The following ZNF611 variants were observed in gnomAD, a reference collection of about 807,000 sequenced individuals.
ZNF611 encodes zinc finger protein 611.
Under a neutral mutation model 8.9 loss-of-function variants are expected in ZNF611, and 6 were observed. The ratio of observed to expected loss-of-function variants is 0.68; its 90% CI spans 0.37 to 1.34. The LOEUF (loss-of-function observed/expected upper bound fraction) is 1.34. ZNF611 is among the 40% of genes most tolerant of loss of function. The pLI, the probability that ZNF611 is intolerant of heterozygous loss-of-function variation, is 0.02. For missense variants in ZNF611, 874 were observed against 841.3 expected, an observed-to-expected ratio of 1.04 and a Z score of -0.48; for synonymous variants, 262 against 279.7, an observed-to-expected ratio of 0.94 and a Z score of 0.63.
rs139235209 is a variant in ZNF611, at chr19:52,705,831, C to A, written c.1224G>T (p.Thr408=). Residue 408 remains threonine (T), a synonymous_variant, in exon 6 of 6, where the codon ACG becomes ACT. Coordinates refer to ENST00000652185, the MANE Select transcript of ZNF611 (RefSeq NM_001161499.2). ...YRCKVCDTAF[T]WHSQLARHRR... ...TATGTCGAGCCAGCTGTGAATGCCA[C>A]GTGAAAGCTGTGTCACAAACCTTAC... is the stretch of plus-strand genomic sequence containing the variant. 2 of 1,613,758 alleles carry A rather than the reference C, an allele frequency of 1.2e-6. No individual in the cohort carries two copies. Among genetic ancestry groups the A allele is most frequent in the Admixed American group, 3.3e-5 (2 of 59,982 alleles).
intron 3 of ZNF611, among the ~76,000 whole-genome samples, chr19:52,727,145 C>A (rs1402435143): frequency 2.0e-5 from 3 of 152,116 alleles, no homozygotes; most frequent in African/African-American, 7.2e-5. Flanking sequence ...GGATTACACT[C>A]GTGAGTCACT....
chr19:52,732,955 A>C (rs1452058399), intron 1 of ZNF611, among the ~76,000 whole-genome samples: 1 of 113,360 alleles, frequency 8.8e-6, no homozygotes, highest in Non-Finnish European at 1.9e-5. Flanking sequence ...CCCTGTCTCA[A>C]AATATTAATT....
rs2062213760 is a variant in ZNF611, at chr19:52,702,851, C to T, written c.*2086G>A. On this transcript the variant is annotated 3_prime_UTR_variant, in exon 6 of 6. Coordinates refer to ENST00000652185, the MANE Select transcript of ZNF611 (RefSeq NM_001161499.2). Reference sequence around the variant, plus strand: ...TGATGTTTAGTTAAAAGGCCACTGACATATTTACCAAGTACACACTGAAAC... The same window carrying T: ...TGATGTTTAGTTAAAAGGCCACTGATATATTTACCAAGTACACACTGAAAC... 1 of 152,168 alleles carries T rather than the reference C, an allele frequency of 6.6e-6. No homozygotes were observed. The highest frequency in any genetic ancestry group is 2.4e-5 in the African/African-American group (1 of 41,438). 9.4% of individuals were successfully genotyped at this position (152,168 alleles called of 1,614,324 possible).
Position 52,710,601 on chromosome 19 carries a change from G to A in ZNF611, c.190+3414C>T, listed in dbSNP as rs139975969. Among the ~76,000 whole-genome samples the A allele has an allele frequency of 5.5e-4, 84 of 152,180 alleles. No homozygotes were observed. The East Asian group carries it at 5.6e-3, about 10-fold the overall frequency. On this transcript the variant is annotated intron_variant, in intron 5 of 5. Coordinates refer to ENST00000652185, the MANE Select transcript of ZNF611 (RefSeq NM_001161499.2). The stretch of plus-strand genomic sequence containing the variant: ...ACTGGTCTCAAACTCCTGACCTCAA[G>A]CCATCTACCCACCTCAGCCTTTCAA...
Position 52,730,391 on chromosome 19 carries a change from C to CAAAA in ZNF611, c.-221-390_-221-387dup, listed in dbSNP as rs1159350274. Among the ~76,000 whole-genome samples the CAAAA allele has an allele frequency of 1.8e-3, 136 of 73,558 alleles. 8 individuals carry two copies. The highest frequency in any genetic ancestry group is 2.6e-3 in the Non-Finnish European group (104 of 40,288). The allele number at this position is 73,558 out of a possible 152,430, so 48.3% of individuals were successfully genotyped here. A position where few individuals can be genotyped will look rare whatever the true frequency, so the allele number is the denominator to read the frequency against. The stretch of plus-strand genomic sequence containing the variant: ...TGGGCGACAGAGCCAGACTCCGTCT[C>CAAAA]AAAAAAAAAAAAAAAAAAAAAAAAA... On this transcript the variant is annotated intron_variant, in intron 1 of 5. Coordinates refer to ENST00000652185, the MANE Select transcript of ZNF611 (RefSeq NM_001161499.2).
chr19:52,714,470 T>C (rs2062301516), intron 4 of ZNF611, among the ~76,000 whole-genome samples: 1 of 151,342 alleles, frequency 6.6e-6, no homozygotes, highest in African/African-American at 2.4e-5. Flanking sequence ...GGCAGATTAT[T>C]TGCGGTCAAG....
At chr19:52,723,384 G>A (rs2062372688) in intron 3 of ZNF611, 1 of 149,868 alleles carries the variant, frequency 6.7e-6, no homozygotes, top group African/African-American at 2.5e-5. Flanking sequence ...AGACTTCCTA[G>A]TAGCTGGCAT....
Position 52,704,258 on chromosome 19 carries a change from C to T in ZNF611, c.*679G>A, listed in dbSNP as rs1819364272. 4.2e-6 allele frequency: 2 copies of T among 481,826 alleles called. No individual in the cohort carries two copies. Among genetic ancestry groups the T allele is most frequent in the African/African-American group, 2.0e-5 (1 of 50,236 alleles). The allele number at this position is 481,826 out of a possible 1,614,324, so 29.8% of individuals were successfully genotyped here. A position where few individuals can be genotyped will look rare whatever the true frequency, so the allele number is the denominator to read the frequency against. ...TTAATGCTTGATGGTTTGCTATACTCATTTCATTGGGAACGGTTATCTCAA... is the reference window on the plus strand; with the variant it reads ...TTAATGCTTGATGGTTTGCTATACTTATTTCATTGGGAACGGTTATCTCAA... On this transcript the variant is annotated 3_prime_UTR_variant, in exon 6 of 6. Coordinates refer to ENST00000652185, the MANE Select transcript of ZNF611 (RefSeq NM_001161499.2).
chr19:52,732,416 A>C (rs2062431747), intron 1 of ZNF611, among the ~76,000 whole-genome samples: 1 of 131,812 alleles, frequency 7.6e-6, no homozygotes. Flanking sequence ...CACAGTATTG[A>C]GTTATTCTGA....
chr19:52,704,096 C>T lies in ZNF611; in HGVS notation c.*841G>A, dbSNP rs1429279805. 4.0e-5 allele frequency: 11 copies of T among 273,622 alleles called. No homozygotes were observed. The highest frequency in any genetic ancestry group is 2.9e-4 in the Admixed American group (6 of 20,414). 16.9% of individuals were successfully genotyped at this position (273,622 alleles called of 1,614,324 possible). A position where few individuals can be genotyped will look rare whatever the true frequency, so the allele number is the denominator to read the frequency against. On this transcript the variant is annotated 3_prime_UTR_variant, in exon 6 of 6. Transcript: ENST00000652185. ...TGACCTATGTGCCTTGGCCTCCCGA[C>T]GTGCTGGGATTACAGGTCGGAGCCA...
intron 1 of ZNF611, among the ~76,000 whole-genome samples, chr19:52,734,540 G>A (rs139447752): frequency 0.48 from 39,847 of 83,470 alleles, 7,037 homozygotes; most frequent in Middle Eastern, 0.55. Flanking sequence ...GCGGGGCGGG[G>A]GGGGGGGGCG....
At chr19:52,723,143 G>A (rs2062370642) in intron 3 of ZNF611, among the ~76,000 whole-genome samples, 1 of 150,518 alleles carries the variant, frequency 6.6e-6, no homozygotes, top group Non-Finnish European at 1.5e-5. Flanking sequence ...CTTTTTCCCT[G>A]GGATTGTGCT....
intron 3 of ZNF611, among the ~76,000 whole-genome samples, chr19:52,722,631 G>A (rs1238935774): frequency 6.6e-6 from 1 of 152,102 alleles, no homozygotes; most frequent in East Asian, 1.9e-4. Context: ...AAACTCATCT[G>A]TATAATTTAA....
At chr19:52,713,601 A>G (rs545367603) in intron 5 of ZNF611, among the ~76,000 whole-genome samples, 1 of 151,984 alleles carries the variant, frequency 6.6e-6, no homozygotes, top group Non-Finnish European at 1.5e-5. Context: ...CTCCTCAAAA[A>G]CCAGAATGAG....
chr19:52,704,717 G>C lies in ZNF611; in HGVS notation c.*220C>G. On this transcript the variant is annotated 3_prime_UTR_variant, in exon 6 of 6. Transcript: ENST00000652185. ...AGTTTCCCTACACCATGAATTGCCT[G>C]ATGGTGAATAAGTGTTGACTGCTTG... 4 of 1,598,336 alleles carry C rather than the reference G, an allele frequency of 2.5e-6. No individual in the cohort carries two copies. The highest frequency in any genetic ancestry group is 3.4e-6 in the Non-Finnish European group (4 of 1,167,338).
chr19:52,704,710 A>T lies in ZNF611; in HGVS notation c.*227T>A. 1.3e-6 allele frequency: 2 copies of T among 1,597,998 alleles called. No homozygotes were observed. Among genetic ancestry groups the T allele is most frequent in the Non-Finnish European group, 1.7e-6 (2 of 1,167,068 alleles). ...TTAGTCAAGTTTCCCTACACCATGA[A>T]TTGCCTGATGGTGAATAAGTGTTGA... On this transcript the variant is annotated 3_prime_UTR_variant, in exon 6 of 6. Transcript: ENST00000652185.
rs200276353 is a variant in ZNF611, at chr19:52,719,873, G to A, written c.-19-3960C>T. On this transcript the variant is annotated intron_variant, in intron 3 of 5. Coordinates refer to ENST00000652185, the MANE Select transcript of ZNF611 (RefSeq NM_001161499.2). ...GGAGAGAAGGTCAGCAGATAAACAC[G>A]TGAATGAAGGTCTCTGGTTTTCCTA... is the stretch of plus-strand genomic sequence containing the variant. 2.6e-5 allele frequency among the ~76,000 whole-genome samples: 4 copies of A among 152,302 alleles called. No homozygotes were observed. The South Asian group carries it at 6.2e-4, about 24-fold the overall frequency.
chr19:52,704,907 A>T lies in ZNF611; in HGVS notation c.*30T>A. Reference sequence around the variant, plus strand: ...CTATGTCTTTAAGGTGTGATTTCCAAATGGAAACTTTGTCACATGCTTCAC... The same window carrying T: ...CTATGTCTTTAAGGTGTGATTTCCATATGGAAACTTTGTCACATGCTTCAC... On this transcript the variant is annotated 3_prime_UTR_variant, in exon 6 of 6. Coordinates refer to ENST00000652185, the MANE Select transcript of ZNF611 (RefSeq NM_001161499.2). 3 of 1,612,342 alleles carry T rather than the reference A, an allele frequency of 1.9e-6. No individual in the cohort carries two copies. The highest frequency in any genetic ancestry group is 1.3e-5 in the African/African-American group (1 of 74,888).
At chr19:52,730,405 A>AC (rs1347529136) in intron 1 of ZNF611, among the ~76,000 whole-genome samples, 42 of 147,426 alleles carry the variant, frequency 2.8e-4, no homozygotes, top group African/African-American at 1.0e-3. Flanking sequence ...AAAAAAAAAA[A>AC]AAAAAAAAAA....
Sources: gnomAD v4.1 joint callset for allele counts (sites outside exome capture counted in the v4.1 genomes callset) on GRCh38, gnomAD v4.1.1 for gene constraint, MANE v1.5 for transcripts, NCBI Gene and HGNC (gene_info 2026-07-23, HGNC 2026-07-21) for gene names.